Variants in NFATC2 observed in about 807,000 individuals in gnomAD.
NFATC2 encodes nuclear factor of activated T cells 2, also known as nuclear factor of activated T-cells, cytoplasmic 2.
In NFATC2, 22 loss-of-function variants were observed where a neutral mutation model predicts 87.3. The ratio of observed to expected loss-of-function variants is 0.25; its 90% CI spans 0.18 to 0.36. The LOEUF (loss-of-function observed/expected upper bound fraction) is 0.36. Ranked by LOEUF, NFATC2 falls within the 10% of genes least tolerant of loss-of-function variation. The pLI is 1.00. For synonymous variants in NFATC2, 565 were observed against 542.2 expected, an observed-to-expected ratio of 1.04 and a Z score of -0.58; for missense variants, 1,149 against 1,259.1, an observed-to-expected ratio of 0.91 and a Z score of 1.32.
intron 1 of NFATC2, among the ~76,000 whole-genome samples, chr20:51,525,440 T>C (rs993698889): frequency 6.6e-6 from 1 of 152,050 alleles, no homozygotes; most frequent in African/African-American, 2.4e-5. Context: ...GACCCTCTTC[T>C]AGCAGACACC....
At chr20:51,471,839 TA>T (rs753523421) in intron 5 of NFATC2, among the ~76,000 whole-genome samples, 47 of 152,380 alleles carry the variant, frequency 3.1e-4, no homozygotes, top group South Asian at 1.7e-3. Context: ...TAAATCGGGA[TA>T]TTTTTTGGTT....
chr20:51,393,734 C>T (rs920869962), intron 10 of NFATC2, among the ~76,000 whole-genome samples: 1 of 152,238 alleles, frequency 6.6e-6, no homozygotes, highest in Non-Finnish European at 1.5e-5. Context: ...TTTCAAAGCC[C>T]GGATTCCAAA....
intron 3 of NFATC2, among the ~76,000 whole-genome samples, chr20:51,491,943 G>A (rs1188565313): frequency 2.2e-5 from 3 of 136,758 alleles, no homozygotes; most frequent in Non-Finnish European, 4.7e-5. Context: ...CCTACTCCCT[G>A]TGAAAGCTTA....
intron 6 of NFATC2, among the ~76,000 whole-genome samples, chr20:51,438,461 A>T (rs1224501680): frequency 2.0e-4 from 30 of 147,220 alleles, no homozygotes. Context: ...AAAAAAAAAG[A>T]TCATTTTCAG....
At chr20:51,525,465 C>A (rs1013401359) in intron 1 of NFATC2, among the ~76,000 whole-genome samples, 2 of 152,144 alleles carry the variant, frequency 1.3e-5, no homozygotes, top group African/African-American at 4.8e-5. Flanking sequence ...CTCACTGCAT[C>A]CTGTACAGGT....
intron 6 of NFATC2, among the ~76,000 whole-genome samples, chr20:51,438,220 C>T (rs1170372623): frequency 6.6e-6 from 1 of 152,150 alleles, no homozygotes; most frequent in East Asian, 1.9e-4. Context: ...AGGAGCGTGA[C>T]TGTACAGGCC....
At chr20:51,416,713 C>T (rs2146288203) in intron 9 of NFATC2, among the ~76,000 whole-genome samples, 1 of 152,264 alleles carries the variant, frequency 6.6e-6, no homozygotes, top group South Asian at 2.1e-4. Context: ...ACTTCTCATA[C>T]ATCATTTCCT....
At chr20:51,424,763 G>A (rs1182018729) in intron 9 of NFATC2, among the ~76,000 whole-genome samples, 1 of 152,112 alleles carries the variant, frequency 6.6e-6, no homozygotes, top group Non-Finnish European at 1.5e-5. Context: ...TCCACCCATG[G>A]GGGACCTGTG....
intron 3 of NFATC2, among the ~76,000 whole-genome samples, chr20:51,506,247 C>T (rs912900524): frequency 6.6e-6 from 1 of 152,212 alleles, no homozygotes; most frequent in African/African-American, 2.4e-5. Flanking sequence ...AGGTGAGGCT[C>T]AATGCCTCTG....
chr20:51,465,647 C>A (rs1987606788), intron 5 of NFATC2, among the ~76,000 whole-genome samples: 1 of 152,230 alleles, frequency 6.6e-6, no homozygotes, highest in Non-Finnish European at 1.5e-5. Context: ...CAAGCTCCAT[C>A]CTCACAGGGG....
intron 9 of NFATC2, among the ~76,000 whole-genome samples, chr20:51,402,328 T>C (rs1056303713): frequency 6.6e-6 from 1 of 152,186 alleles, no homozygotes; most frequent in East Asian, 1.9e-4. Flanking sequence ...ACACGGCTTC[T>C]AAAGTAGCAA....
At chr20:51,421,362 C>A (rs1032489461) in intron 9 of NFATC2, among the ~76,000 whole-genome samples, 1 of 152,180 alleles carries the variant, frequency 6.6e-6, no homozygotes, top group Non-Finnish European at 1.5e-5. Context: ...AGGCCCCGGC[C>A]GGATGCAGGT....
At chr20:51,561,484 AAAGC>A (rs377087625) in intron 1 of NFATC2, among the ~76,000 whole-genome samples, 5,247 of 89,322 alleles carry the variant, frequency 0.059, 238 homozygotes, top group Non-Finnish European at 0.072. Flanking sequence ...AGAAAGAAAG[AAAGC>A]AAGCAAGCAA....
intron 1 of NFATC2, among the ~76,000 whole-genome samples, chr20:51,537,315 G>A (rs897033598): frequency 2.6e-5 from 4 of 152,066 alleles, no homozygotes; most frequent in African/African-American, 9.7e-5. Context: ...TGCCCATGTG[G>A]AGCATGCACA....
intron 9 of NFATC2, among the ~76,000 whole-genome samples, chr20:51,412,262 C>T (rs1979365176): frequency 2.0e-5 from 3 of 152,198 alleles, no homozygotes; most frequent in Non-Finnish European, 4.4e-5. Context: ...CACACTCTGG[C>T]ATCACACAGC....
chr20:51,451,832 AC>A (rs1432265160), intron 6 of NFATC2, among the ~76,000 whole-genome samples: 1 of 151,986 alleles, frequency 6.6e-6, no homozygotes, highest in African/African-American at 2.4e-5. Flanking sequence ...TCTCCCGTCA[AC>A]CCCCAGATGG....
In NFATC2 at chr20:51,489,800, G is replaced by C. The variant is rs532824408; in HGVS notation, c.1333-14140C>G. The stretch of plus-strand genomic sequence containing the variant: ...AAACATACCAAGTAATGACACCCAA[G>C]TCAGTCTGCAAATGTTCTCATCCTC... On this transcript the variant is annotated intron_variant, in intron 3 of 10. Transcript: ENST00000371564. Among the ~76,000 whole-genome samples, 31 of 152,260 alleles carry C rather than the reference G, an allele frequency of 2.0e-4. No homozygotes were observed. In the East Asian group the frequency reaches 5.4e-3, roughly 27 times the overall value.
At chr20:51,446,129 G>A (rs1245055168) in intron 6 of NFATC2, among the ~76,000 whole-genome samples, 1 of 152,206 alleles carries the variant, frequency 6.6e-6, no homozygotes, top group Non-Finnish European at 1.5e-5. Context: ...AGGGGAGGAA[G>A]CAGACCATGA....
chr20:51,447,578 C>T (rs2146399271), intron 6 of NFATC2, among the ~76,000 whole-genome samples: 1 of 152,336 alleles, frequency 6.6e-6, no homozygotes, highest in South Asian at 2.1e-4. Flanking sequence ...GCTGCCACAT[C>T]ACTTTTATTT....
Sources: allele counts gnomAD v4.1 joint callset (sites outside exome capture counted in the v4.1 genomes callset), GRCh38; gene constraint gnomAD v4.1.1; transcripts MANE v1.5; gene names NCBI Gene and HGNC (gene_info 2026-07-23, HGNC 2026-07-21).